The following PPARA variants were observed in gnomAD, a reference collection of about 807,000 sequenced individuals.
The protein encoded by PPARA is peroxisome proliferator-activated receptor alpha.
A neutral mutation model predicts 42.2 loss-of-function variants in PPARA; 22 were observed. The ratio of observed to expected loss-of-function variants is 0.52; its 90% confidence interval spans 0.37 to 0.74. The LOEUF (loss-of-function observed/expected upper bound fraction) is 0.74, where lower values mean the gene tolerates loss of function less well. Among genes scored for constraint, PPARA ranks in the 30% least tolerant of loss-of-function variants. PPARA has a pLI of 0.00. For missense variants in PPARA, 465 were observed against 608.2 expected (o/e 0.76, Z 2.48); for synonymous variants, 242 against 239.3 (o/e 1.01, Z -0.10).
rs916251296 is a variant in PPARA, at chr22:46,162,058, G to A, written c.-127+10088G>A. On this transcript the variant is annotated intron_variant, in intron 2 of 8. Transcript: ENST00000407236. This position sits in a 1 kb window ranked among gnomAD's most constrained non-coding sequence, Gnocchi z 6.0. ...TCTCAGTTGCCAGCCTCCTGCTAGGGCTGGGTGGGGGACATCAAAGGCAGG... is the reference window on the plus strand; with the variant it reads ...TCTCAGTTGCCAGCCTCCTGCTAGGACTGGGTGGGGGACATCAAAGGCAGG... Among the ~76,000 whole-genome samples, 6 of 152,136 alleles carry A rather than the reference G, an allele frequency of 3.9e-5. No homozygotes were observed. Among genetic ancestry groups the A allele is most frequent in the Admixed American group, 2.0e-4 (3 of 15,278 alleles).
At chr22:46,153,371 G>T (rs1277044442) in intron 2 of PPARA, among the ~76,000 whole-genome samples, 2 of 151,876 alleles carry the variant, frequency 1.3e-5, no homozygotes, top group Admixed American at 6.6e-5. Flanking sequence ...GTTTCACCAT[G>T]TTGGCTGGGC....
chr22:46,198,219 C>T (rs1353991682), intron 3 of PPARA, 123 bp from the exon 4 acceptor site: 2 of 247,566 alleles, frequency 8.1e-6, no homozygotes, highest in Non-Finnish European at 6.4e-6. Flanking sequence ...GCCTGGGCAA[C>T]AGACTGAGAC....
At chr22:46,177,312 T>C (rs1929286667) in intron 3 of PPARA, among the ~76,000 whole-genome samples, 1 of 151,874 alleles carries the variant, frequency 6.6e-6, no homozygotes, top group African/African-American at 2.4e-5. Flanking sequence ...ACATTATGTC[T>C]ATGTCAGGAC....
rs376672515 is a variant in PPARA at position 46,161,925 on chromosome 22, C to T, written c.-127+9955C>T. The stretch of plus-strand genomic sequence containing the variant: ...GTGAGCTTGAAACCTGTCACCCACC[C>T]GCCTTCCAGATGTCACCTGGGCCCT... On this transcript the variant is annotated intron_variant, in intron 2 of 8. Transcript: ENST00000407236. This position sits in a 1 kb window ranked among gnomAD's most constrained non-coding sequence, Gnocchi z 4.8. 2.0e-5 allele frequency among the ~76,000 whole-genome samples: 3 copies of T among 152,174 alleles called. No homozygotes were observed. Among genetic ancestry groups the T allele is most frequent in the East Asian group, 1.9e-4 (1 of 5,186 alleles).
In PPARA at chr22:46,198,324, G is replaced by T. The variant is rs1390003759; in HGVS notation, c.-42-18G>T. The T allele has an allele frequency of 2.8e-6, 4 of 1,424,794 alleles. No homozygotes were observed. Among genetic ancestry groups the T allele is most frequent in the African/African-American group, 1.4e-5 (1 of 70,702 alleles). 88.3% of individuals were successfully genotyped at this position (1,424,794 alleles called of 1,614,324 possible). On this transcript the variant is annotated intron_variant, in intron 3 of 8. Transcript: ENST00000407236. ...TTGTTATACGTCAGTCTTACCAATTGTTCCTCTTTCCTCCCAGTAGCTTGG... is the reference window on the plus strand; with the variant it reads ...TTGTTATACGTCAGTCTTACCAATTTTTCCTCTTTCCTCCCAGTAGCTTGG...
intron 7 of PPARA, among the ~76,000 whole-genome samples, chr22:46,226,217 TCA>T (rs753104686): frequency 7.9e-5 from 12 of 151,272 alleles, no homozygotes; most frequent in Admixed American, 3.3e-4. Flanking sequence ...GCACATATGC[TCA>T]CACACACGTG....
intron 4 of PPARA, among the ~76,000 whole-genome samples, chr22:46,208,120 T>C (rs1317694490): frequency 6.6e-6 from 1 of 152,206 alleles, no homozygotes; most frequent in Non-Finnish European, 1.5e-5. Context: ...TAGTTTAATT[T>C]TTAATTGACA....
rs1049862635 is a variant in PPARA at position 46,235,738 on chromosome 22, C to T, written c.*358C>T. ...GGTAACCTCAAAATTCGTGGCCTGT[C>T]TTCCCATTCACCCCGCTTTTGACTA... On this transcript the variant is annotated 3_prime_UTR_variant, in exon 9 of 9. Transcript: ENST00000407236. This position sits in a 1 kb window ranked among gnomAD's most constrained non-coding sequence, Gnocchi z 7.0. 1.8e-5 allele frequency: 6 copies of T among 336,074 alleles called. No individual in the cohort carries two copies. Among genetic ancestry groups the T allele is most frequent in the African/African-American group, 1.3e-4 (6 of 47,132 alleles). The allele number at this position is 336,074 out of a possible 1,614,324, so 20.8% of individuals were successfully genotyped here.
rs373164062 is a variant in PPARA, at chr22:46,231,815, G to C, written c.735G>C (p.Glu245Asp). Reference sequence around the variant, plus strand: ...AGCCTTTTGTCATACATGATATGGAGACACTGTGTATGGCTGAGAAGACGC... The same window carrying C: ...AGCCTTTTGTCATACATGATATGGACACACTGTGTATGGCTGAGAAGACGC... Reference protein sequence around the residue: ...NNPPFVIHDMETLCMAEKTLV... With the variant: ...NNPPFVIHDMDTLCMAEKTLV... Residue 245 changes from glutamate to aspartate, a missense_variant, in exon 8 of 9, where the codon GAG becomes GAC. By Grantham distance (45) the Glu-to-Asp change is conservative. Coordinates refer to ENST00000407236, the MANE Select transcript of PPARA (RefSeq NM_005036.6). The surrounding 1 kb of genome is among the most constrained non-coding windows in gnomAD (Gnocchi z 7.7). 6.6e-5 allele frequency: 106 copies of C among 1,613,588 alleles called. No individual in the cohort carries two copies. Among genetic ancestry groups the C allele is most frequent in the Non-Finnish European group, 8.6e-5 (102 of 1,180,034 alleles).
At position 46,203,125 on chromosome 22, in the gene PPARA, T is replaced by A. The variant is rs1239701441; in HGVS notation, c.208+4534T>A. On this transcript the variant is annotated intron_variant, in intron 4 of 8. Transcript: ENST00000407236. The surrounding 1 kb of genome is among the most constrained non-coding windows in gnomAD (Gnocchi z 5.8). Reference sequence around the variant, plus strand: ...TCATACATGTGGTCATTTGTACTCATCTCACAATTGTTAAAACCTCTTTCC... The same window carrying A: ...TCATACATGTGGTCATTTGTACTCAACTCACAATTGTTAAAACCTCTTTCC... Among the ~76,000 whole-genome samples the A allele has an allele frequency of 6.6e-6, 1 of 152,164 alleles. No individual in the cohort carries two copies. The highest frequency in any genetic ancestry group is 2.4e-5 in the African/African-American group (1 of 41,456).
At chr22:46,176,546 A>G (rs1315488633) in intron 2 of PPARA, among the ~76,000 whole-genome samples, 32 of 152,182 alleles carry the variant, frequency 2.1e-4, no homozygotes, top group Admixed American at 2.1e-3. Flanking sequence ...ATTAGATTAT[A>G]TACTCTGTAT....
rs1930330338 is a variant in PPARA at position 46,184,031 on chromosome 22, A to G, written c.-43+7195A>G. Among the ~76,000 whole-genome samples the G allele has an allele frequency of 6.6e-6, 1 of 152,156 alleles. No individual in the cohort carries two copies. Among genetic ancestry groups the G allele is most frequent in the Non-Finnish European group, 1.5e-5 (1 of 68,042 alleles). On this transcript the variant is annotated intron_variant, in intron 3 of 8. Transcript: ENST00000407236. This position sits in a 1 kb window ranked among gnomAD's most constrained non-coding sequence, Gnocchi z 4.4. ...ATGCCTGCCTCATGGGGTTGCTGTT[A>G]CCAGGAAGTGAGTTAATGCACATTA...
chr22:46,159,109 C>A (rs1450722917), intron 2 of PPARA, among the ~76,000 whole-genome samples: 1 of 152,088 alleles, frequency 6.6e-6, no homozygotes, highest in African/African-American at 2.4e-5. Flanking sequence ...CAGGCTGGGT[C>A]TCAAACTCCT....
In PPARA at chr22:46,234,724, T is replaced by A. The variant is rs1187512970; in HGVS notation, c.1160-409T>A. On this transcript the variant is annotated intron_variant, in intron 8 of 8. Transcript: ENST00000407236. The surrounding 1 kb of genome is among the most constrained non-coding windows in gnomAD (Gnocchi z 5.8). The stretch of plus-strand genomic sequence containing the variant: ...TAAATATGGTGGAACACTTGAAGCT[T>A]GATATCTAGTTTGGATTCAAAAGCT... Among the ~76,000 whole-genome samples, 1 of 152,198 alleles carries A rather than the reference T, an allele frequency of 6.6e-6. No homozygotes were observed. Among genetic ancestry groups the A allele is most frequent in the Non-Finnish European group, 1.5e-5 (1 of 68,038 alleles).
At position 46,239,625 on chromosome 22, in the gene PPARA, C is replaced by T. The variant is rs116803879; in HGVS notation, c.*4245C>T. The T allele has an allele frequency of 4.1e-3, 611 of 150,798 alleles. 8 individuals carry two copies. The highest frequency in any genetic ancestry group is 0.014 in the African/African-American group (575 of 40,844). The allele number at this position is 150,798 out of a possible 1,614,324, so 9.3% of individuals were successfully genotyped here. A position where few individuals can be genotyped will look rare whatever the true frequency, so the allele number is the denominator to read the frequency against. On this transcript the variant is annotated 3_prime_UTR_variant, in exon 9 of 9. Transcript: ENST00000407236. ...GCTTAGGAGAAGCGGCCGATGGTCCCGGCCTGCAGTGACAAACCCCCCTCC... is the reference window on the plus strand; with the variant it reads ...GCTTAGGAGAAGCGGCCGATGGTCCTGGCCTGCAGTGACAAACCCCCCTCC...
At position 46,230,665 on chromosome 22, in the gene PPARA, A is replaced by G. The variant is rs1935804844; in HGVS notation, c.712-1127A>G. On this transcript the variant is annotated intron_variant, in intron 7 of 8. Transcript: ENST00000407236. This position sits in a 1 kb window ranked among gnomAD's most constrained non-coding sequence, Gnocchi z 5.0. ...TTACATGCAGATGGCATGGGAGCAC[A>G]CAAGGCACGGCTGTGGGGAGTTGGC... Among the ~76,000 whole-genome samples the G allele has an allele frequency of 6.6e-6, 1 of 152,220 alleles. No homozygotes were observed. The highest frequency in any genetic ancestry group is 1.5e-5 in the Non-Finnish European group (1 of 68,042).
At position 46,230,166 on chromosome 22, in the gene PPARA, G is replaced by A. The variant is rs1218346187; in HGVS notation, c.712-1626G>A. ...GTGGGCAGATTACCTGAGGTCAGGA[G>A]TGCGACACCAGCCTGACCAACATGG... On this transcript the variant is annotated intron_variant, in intron 7 of 8. Transcript: ENST00000407236. This position sits in a 1 kb window ranked among gnomAD's most constrained non-coding sequence, Gnocchi z 5.0. Among the ~76,000 whole-genome samples the A allele has an allele frequency of 6.6e-6, 1 of 152,224 alleles. No individual in the cohort carries two copies. The highest frequency in any genetic ancestry group is 1.5e-5 in the Non-Finnish European group (1 of 68,048).
At position 46,152,167 on chromosome 22, in the gene PPARA, C is replaced by T. The variant is rs577360348; in HGVS notation, c.-127+197C>T. Among the ~76,000 whole-genome samples, 7 of 120,386 alleles carry T rather than the reference C, an allele frequency of 5.8e-5. No homozygotes were observed. In the East Asian group the frequency reaches 1.9e-3, roughly 32 times the overall value. 79.0% of individuals were successfully genotyped at this position (120,386 alleles called of 152,430 possible). A position where few individuals can be genotyped will look rare whatever the true frequency, so the allele number is the denominator to read the frequency against. ...TTTTTTTTTTTTTTTGAGACGGAGT[C>T]TCGCTCTGCCGCCCAGGCTGGAGTG... is the stretch of plus-strand genomic sequence containing the variant. On this transcript the variant is annotated intron_variant, in intron 2 of 8. Transcript: ENST00000407236.
At chr22:46,155,370 A>T (rs1429425465) in intron 2 of PPARA, 2 of 152,170 alleles carry the variant, frequency 1.3e-5, no homozygotes, top group African/African-American at 2.4e-5. Flanking sequence ...ACTGGCGTGC[A>T]GTGGCGCAAT....
Sources: allele counts gnomAD v4.1 joint callset (sites outside exome capture counted in the v4.1 genomes callset), GRCh38; gene constraint gnomAD v4.1.1; non-coding constraint Gnocchi (gnomAD v3.1); transcripts MANE v1.5; gene names NCBI Gene and HGNC (gene_info 2026-07-23, HGNC 2026-07-21).